ADCY1: variants seen among roughly 807,000 people sequenced by gnomAD.
ADCY1 encodes the protein adenylate cyclase 1, also known as adenylate cyclase type 1.
ADCY1 carries 28 observed loss-of-function variants against 105.4 expected under a neutral mutation model. The observed-to-expected ratio is 0.27, with a 90% CI of 0.20 to 0.36. The LOEUF is 0.36. ADCY1 is among the 10% of genes least tolerant of loss of function. The pLI is 1.00. For missense variants in ADCY1, 977 were observed against 1,434.2 expected, an observed-to-expected ratio of 0.68 and a Z score of 5.15; for synonymous variants, 655 against 623.8, an observed-to-expected ratio of 1.05 and a Z score of -0.75.
intron 2 of ADCY1, among the ~76,000 whole-genome samples, chr7:45,604,901 A>G (rs1793333921): frequency 6.6e-6 from 1 of 152,198 alleles, no homozygotes; most frequent in Non-Finnish European, 1.5e-5. Flanking sequence ...AAAACTGTAT[A>G]TCAATTTGGA....
chr7:45,719,492 T>C lies in ADCY1; in HGVS notation c.*5497T>C, dbSNP rs1276231057. 6.6e-6 allele frequency: 1 copy of C among 152,244 alleles called. No homozygotes were observed. Among genetic ancestry groups the C allele is most frequent in the African/African-American group, 2.4e-5 (1 of 41,458 alleles). 9.4% of individuals were successfully genotyped at this position (152,244 alleles called of 1,614,324 possible). On this transcript the variant is annotated 3_prime_UTR_variant, in exon 20 of 20. Transcript: ENST00000297323. Reference sequence around the variant, plus strand: ...CTAGACTTCCCTAAACAACATGCCATTGTGAAATAATGCATATATTTGTAT... The same window carrying C: ...CTAGACTTCCCTAAACAACATGCCACTGTGAAATAATGCATATATTTGTAT...
chr7:45,587,927 T>A (rs1452239465), intron 1 of ADCY1, among the ~76,000 whole-genome samples: 1 of 152,224 alleles, frequency 6.6e-6, no homozygotes. Context: ...CTCTTTACTT[T>A]TCCTTTTCCA....
intron 11 of ADCY1, chr7:45,684,751 C>T (rs1317167570): frequency 1.4e-5 from 6 of 424,116 alleles, no homozygotes; most frequent in Admixed American, 7.4e-5. Context: ...AAGTATTATT[C>T]TTTGTAATTT....
chr7:45,657,996 G>A (rs1703553121), intron 6 of ADCY1, 111 bp downstream of exon 6: 1 of 1,276,364 alleles, frequency 7.8e-7, no homozygotes, highest in African/African-American at 1.5e-5. Context: ...ACTTGTGTGA[G>A]TGCTCCTGGA....
At chr7:45,692,698 C>T (rs1784806340) in intron 14 of ADCY1, among the ~76,000 whole-genome samples, 1 of 152,174 alleles carries the variant, frequency 6.6e-6, no homozygotes, top group Non-Finnish European at 1.5e-5. Flanking sequence ...GCCCCCATCC[C>T]AGACACACAC....
At chr7:45,659,839 A>T (rs1374583293) in intron 6 of ADCY1, among the ~76,000 whole-genome samples, 3 of 151,954 alleles carry the variant, frequency 2.0e-5, no homozygotes, top group Non-Finnish European at 4.4e-5. Context: ...CCTGCTGGGC[A>T]TGGTTCCTGA....
chr7:45,605,954 G>T (rs1324922512), intron 2 of ADCY1, among the ~76,000 whole-genome samples: 1 of 152,112 alleles, frequency 6.6e-6, no homozygotes, highest in Non-Finnish European at 1.5e-5. Flanking sequence ...TTTTGTTTTT[G>T]ATGATTTTCT....
At chr7:45,679,108 C>T (rs1245001831) in intron 10 of ADCY1, among the ~76,000 whole-genome samples, 2 of 152,150 alleles carry the variant, frequency 1.3e-5, no homozygotes, top group African/African-American at 4.8e-5. Context: ...ACTGAGTCTG[C>T]ACTTGCCACT....
At chr7:45,711,070 G>A (rs940687956) in intron 19 of ADCY1, among the ~76,000 whole-genome samples, 2 of 152,188 alleles carry the variant, frequency 1.3e-5, no homozygotes. Context: ...GGCAGCTGAG[G>A]TGGCCTGACA....
intron 2 of ADCY1, among the ~76,000 whole-genome samples, chr7:45,596,570 A>C (rs1204375819): frequency 1.3e-5 from 2 of 151,908 alleles, no homozygotes; most frequent in Admixed American, 6.6e-5. Context: ...GGGTCAATGC[A>C]CCCTGGTCCT....
At chr7:45,634,315 C>T (rs1794340311) in intron 4 of ADCY1, among the ~76,000 whole-genome samples, 1 of 151,996 alleles carries the variant, frequency 6.6e-6, no homozygotes, top group African/African-American at 2.4e-5. Context: ...TTGTTCCCAA[C>T]AGTAGGGGAA....
chr7:45,673,603 G>GCTTTT (rs1784401354), intron 8 of ADCY1, among the ~76,000 whole-genome samples: 2 of 152,082 alleles, frequency 1.3e-5, no homozygotes, highest in Non-Finnish European at 2.9e-5. Context: ...GATGCCTGCA[G>GCTTTT]AGTATGTAGT....
rs1302181444 is a variant in ADCY1 at position 45,708,043 on chromosome 7, A to G, written c.2818-307A>G. ...CTTGTTTTGCTCATTTGCAATGGCCATTAGCAACGCTGTCCAAGCAGGAGT... is the reference window on the plus strand; with the variant it reads ...CTTGTTTTGCTCATTTGCAATGGCCGTTAGCAACGCTGTCCAAGCAGGAGT... On this transcript the variant is annotated intron_variant, in intron 17 of 19. Coordinates refer to ENST00000297323, the MANE Select transcript of ADCY1 (RefSeq NM_021116.4). This position sits in a 1 kb window ranked among gnomAD's most constrained non-coding sequence, Gnocchi z 4.7. Among the ~76,000 whole-genome samples the G allele has an allele frequency of 6.6e-6, 1 of 152,176 alleles. No homozygotes were observed. The highest frequency in any genetic ancestry group is 2.4e-5 in the African/African-American group (1 of 41,434).
intron 14 of ADCY1, among the ~76,000 whole-genome samples, chr7:45,701,980 A>G (rs558513463): frequency 3.5e-4 from 54 of 152,320 alleles, no homozygotes; most frequent in Middle Eastern, 6.8e-3. Flanking sequence ...CATGGATCGC[A>G]CTGATTCGCT....
chr7:45,634,619 T>C (rs748189698), intron 4 of ADCY1, among the ~76,000 whole-genome samples: 4 of 152,282 alleles, frequency 2.6e-5, no homozygotes, highest in African/African-American at 9.6e-5. Context: ...CCCCGACTTA[T>C]GATAGTTTGA....
At chr7:45,595,821 T>C (rs991898250) in intron 2 of ADCY1, among the ~76,000 whole-genome samples, 1 of 152,266 alleles carries the variant, frequency 6.6e-6, no homozygotes, top group African/African-American at 2.4e-5. Context: ...TCCTCAGACC[T>C]CAGCTGTCCT....
intron 14 of ADCY1, among the ~76,000 whole-genome samples, chr7:45,702,237 C>G (rs546668739): frequency 1.3e-5 from 2 of 152,352 alleles, no homozygotes; most frequent in African/African-American, 4.8e-5. Flanking sequence ...TTAGGCTTAA[C>G]TAAGGGGCAT....
chr7:45,626,941 T>C (rs1299955938), intron 4 of ADCY1, among the ~76,000 whole-genome samples: 1 of 152,116 alleles, frequency 6.6e-6, no homozygotes, highest in Non-Finnish European at 1.5e-5. Flanking sequence ...TTTATAGCAC[T>C]AGAGGGCCAG....
chr7:45,646,819 C>T (rs1009115470), intron 4 of ADCY1, among the ~76,000 whole-genome samples: 1 of 152,182 alleles, frequency 6.6e-6, no homozygotes, highest in South Asian at 2.1e-4. Flanking sequence ...ATGGAAGGGA[C>T]CCTAAGTGGC....
Sources: allele counts gnomAD v4.1 joint callset (sites outside exome capture counted in the v4.1 genomes callset), GRCh38; gene constraint gnomAD v4.1.1; non-coding constraint Gnocchi (gnomAD v3.1); transcripts MANE v1.5; gene names NCBI Gene and HGNC (gene_info 2026-07-23, HGNC 2026-07-21).